The following C13orf42 variants were observed in gnomAD, a reference collection of about 807,000 sequenced individuals.
C13orf42 encodes the protein chromosome 13 open reading frame 42.
At chr13:51,104,724 G>A in intron 1 of C13orf42, among the ~76,000 whole-genome samples, 1 of 149,356 alleles carries the variant, frequency 6.7e-6, no homozygotes, top group Admixed American at 6.7e-5. Flanking sequence ...CCACTGACTT[G>A]TACACTGTGA....
intron 1 of C13orf42, among the ~76,000 whole-genome samples, chr13:51,124,228 A>G (rs1953558582): frequency 6.6e-6 from 1 of 151,864 alleles, no homozygotes; most frequent in Non-Finnish European, 1.5e-5. Flanking sequence ...ACCAATCAGC[A>G]CTCCAGATTC....
At chr13:51,116,616 G>C (rs1048473067) in intron 1 of C13orf42, among the ~76,000 whole-genome samples, 2 of 152,244 alleles carry the variant, frequency 1.3e-5, no homozygotes, top group African/African-American at 4.8e-5. Context: ...ATGGAATTGT[G>C]AGAAAATTCC....
intron 1 of C13orf42, among the ~76,000 whole-genome samples, chr13:51,132,574 T>C (rs1953625939): frequency 1.3e-5 from 2 of 152,098 alleles, no homozygotes; most frequent in Non-Finnish European, 2.9e-5. Flanking sequence ...CTCCTCTCTA[T>C]CCTGAACACA....
chr13:51,084,418 C>T, intron 3 of C13orf42, 93 bp from the exon 4 acceptor site: 1 of 397,310 alleles, frequency 2.5e-6, no homozygotes. Context: ...CTCATGGAGA[C>T]CCTCAGATTG....
intron 1 of C13orf42, among the ~76,000 whole-genome samples, chr13:51,150,040 A>C (rs1953767364): frequency 6.6e-6 from 1 of 152,246 alleles, no homozygotes; most frequent in Admixed American, 6.5e-5. Context: ...TGTATTTAGA[A>C]GTTAGAATTT....
At chr13:51,105,171 G>A (rs2075168799) in intron 1 of C13orf42, among the ~76,000 whole-genome samples, 1 of 152,216 alleles carries the variant, frequency 6.6e-6, no homozygotes, top group Admixed American at 6.5e-5. Flanking sequence ...TCTTCCCTGG[G>A]CTCAGAAGGG....
In C13orf42 at chr13:51,144,988, G is replaced by T. The variant is rs190451532; in HGVS notation, n.136+27265C>A. Reference sequence around the variant, plus strand: ...TTAGTAAAATGGGAAACTGGAGAGAGAAAAAAATTGTTTCAAAATGATTGT... The same window carrying T: ...TTAGTAAAATGGGAAACTGGAGAGATAAAAAAATTGTTTCAAAATGATTGT... On this transcript the variant is annotated intron_variant and non_coding_transcript_variant, in intron 1 of 4. Coordinates refer to the C13orf42 transcript ENST00000433280. 1.5e-3 allele frequency among the ~76,000 whole-genome samples: 233 copies of T among 152,248 alleles called. 1 individual carries two copies. Among genetic ancestry groups the T allele is most frequent in the Non-Finnish European group, 2.8e-3 (190 of 68,002 alleles).
At chr13:51,170,904 C>A (rs1953944438) in intron 1 of C13orf42, among the ~76,000 whole-genome samples, 1 of 152,068 alleles carries the variant, frequency 6.6e-6, no homozygotes, top group Admixed American at 6.5e-5. Context: ...AGTGGCAAGT[C>A]CCGCTTTCCT....
chr13:51,092,516 T>G (rs1419610633), intron 1 of C13orf42, among the ~76,000 whole-genome samples: 3 of 152,156 alleles, frequency 2.0e-5, no homozygotes, highest in Non-Finnish European at 4.4e-5. Flanking sequence ...ATTTATAATT[T>G]TTTTCAAATC....
chr13:51,112,757 G>A (rs1456690970), upstream of C13orf42, among the ~76,000 whole-genome samples: 1 of 152,162 alleles, frequency 6.6e-6, no homozygotes, highest in Non-Finnish European at 1.5e-5. Flanking sequence ...GAGGTTATGA[G>A]ACTTGTCTGT....
chr13:51,136,781 G>A (rs1953661249), intron 1 of C13orf42, among the ~76,000 whole-genome samples: 1 of 152,218 alleles, frequency 6.6e-6, no homozygotes, highest in Non-Finnish European at 1.5e-5. Context: ...CCTGGCGCGA[G>A]GCCCTGAGAA....
chr13:51,153,770 T>C (rs916662517), intron 1 of C13orf42, among the ~76,000 whole-genome samples: 1 of 149,376 alleles, frequency 6.7e-6, no homozygotes, highest in Non-Finnish European at 1.5e-5. Flanking sequence ...GCCTCCCAAA[T>C]AGCTGGGACT....
intron 1 of C13orf42, among the ~76,000 whole-genome samples, chr13:51,157,471 A>G (rs977099836): frequency 1.3e-5 from 2 of 152,036 alleles, no homozygotes; most frequent in African/African-American, 4.8e-5. Flanking sequence ...AAAATGAAAT[A>G]AAATTCCCAC....
upstream of C13orf42, among the ~76,000 whole-genome samples, chr13:51,115,247 T>C (rs9316522): frequency 0.015 from 2,360 of 152,268 alleles, 59 homozygotes; most frequent in African/African-American, 0.054. Context: ...AAATGGGCCA[T>C]CCTTAATAAT....
At chr13:51,116,191 C>T (rs866134576), upstream of C13orf42, among the ~76,000 whole-genome samples, 73 of 152,272 alleles carry the variant, frequency 4.8e-4, no homozygotes, top group African/African-American at 1.3e-3. Context: ...CTTTAGAAGG[C>T]GTGGCCCTAA....
intron 2 of C13orf42, among the ~76,000 whole-genome samples, chr13:51,087,568 G>A (rs1248387141): frequency 2.0e-5 from 3 of 152,050 alleles, no homozygotes; most frequent in African/African-American, 7.2e-5. Context: ...ACCCCTCATC[G>A]ATTCTCCTTC....
At chr13:51,155,626 C>T (rs1299640528) in intron 1 of C13orf42, among the ~76,000 whole-genome samples, 1 of 152,224 alleles carries the variant, frequency 6.6e-6, no homozygotes, top group African/African-American at 2.4e-5. Context: ...TTATCTGAGG[C>T]TCTGCTTTAC....
At chr13:51,159,152 A>G (rs1349326994) in intron 1 of C13orf42, among the ~76,000 whole-genome samples, 1 of 152,178 alleles carries the variant, frequency 6.6e-6, no homozygotes, top group Non-Finnish European at 1.5e-5. Flanking sequence ...CCCACCAATC[A>G]TGTGCATCAA....
At position 51,101,407 on chromosome 13, in the gene C13orf42, T is replaced by C. The variant is rs568358632; in HGVS notation, c.414+9389A>G. ...ATAACTTTATTATCAGAAAAAAATG[T>C]ATAGCGTGTGTTTTTGATGGTGGGC... On this transcript the variant is annotated intron_variant, in intron 1 of 3. Coordinates refer to ENST00000563710, the MANE Select transcript of C13orf42 (RefSeq NM_001351589.3). Among the ~76,000 whole-genome samples, 25 of 152,346 alleles carry C rather than the reference T, an allele frequency of 1.6e-4. No homozygotes were observed. In the East Asian group the frequency reaches 4.8e-3, roughly 29 times the overall value.
Sources: gnomAD v4.1 joint callset for allele counts (sites outside exome capture counted in the v4.1 genomes callset) on GRCh38, gnomAD v4.1.1 for gene constraint, MANE v1.5 for transcripts, NCBI Gene and HGNC (gene_info 2026-07-23, HGNC 2026-07-21) for gene names.